SAMD5: variants seen among roughly 807,000 people sequenced by gnomAD.
The protein encoded by SAMD5 is sterile alpha motif domain containing 5.
SAMD5 carries 13 observed loss-of-function variants against 11.3 expected under a neutral mutation model. That is an observed-to-expected ratio of 1.15 (90% CI 0.75 to 1.83). The LOEUF (loss-of-function observed/expected upper bound fraction) is 1.83, where lower values mean the gene tolerates loss of function less well. SAMD5 is among the 40% of genes most tolerant of loss of function. The pLI, the probability that SAMD5 is intolerant of heterozygous loss-of-function variation, is 0.00. For missense variants in SAMD5, 255 were observed against 239.1 expected, an observed-to-expected ratio of 1.07 and a Z score of -0.44; for synonymous variants, 129 against 111.3, an observed-to-expected ratio of 1.16 and a Z score of -1.00.
At chr6:147,922,939 A>G in the SAMD5 span, among the ~76,000 whole-genome samples, 1 of 152,052 alleles carries the variant, frequency 6.6e-6, no homozygotes, top group Non-Finnish European at 1.5e-5. Context: ...GTGTAAACAC[A>G]TTTCTTTCCT....
At chr6:147,911,253 G>A in the SAMD5 span, among the ~76,000 whole-genome samples, 16 of 152,266 alleles carry the variant, frequency 1.1e-4, no homozygotes, top group East Asian at 1.5e-3. Context: ...GTAGCAACAC[G>A]GTTGTTTAGC....
chr6:147,598,049 A>C (rs1013770306), intron 1 of SAMD5, among the ~76,000 whole-genome samples: 5 of 151,870 alleles, frequency 3.3e-5, no homozygotes, highest in African/African-American at 1.2e-4. Flanking sequence ...CCACTGATGC[A>C]GTGGAGTCCT....
chr6:147,746,165 G>A, the SAMD5 span, among the ~76,000 whole-genome samples: 8 of 152,190 alleles, frequency 5.3e-5, no homozygotes, highest in East Asian at 5.8e-4. Flanking sequence ...GGGATCAGAC[G>A]AAGAAGCTCA....
the SAMD5 span, among the ~76,000 whole-genome samples, chr6:147,826,283 C>G: frequency 6.6e-6 from 1 of 152,194 alleles, no homozygotes; most frequent in African/African-American, 2.4e-5. Context: ...GAAATTAGAG[C>G]AATTTTTAGC....
rs1259229155 is a variant in SAMD5, at chr6:147,642,855, T to C, written c.163-94462T>C. 2.0e-5 allele frequency among the ~76,000 whole-genome samples: 3 copies of C among 152,228 alleles called. No individual in the cohort carries two copies. The East Asian group carries it at 5.8e-4, about 29-fold the overall frequency. ...GGGAGCCCTTCTCTCCTGCCTGGGG[T>C]GCAGGGCCTCAGTGCTAATATGAAC... On this transcript the variant is annotated intron_variant, in intron 1 of 1. Coordinates refer to the SAMD5 transcript ENST00000566741.
chr6:147,926,692 G>A, the SAMD5 span, among the ~76,000 whole-genome samples: 2 of 151,978 alleles, frequency 1.3e-5, no homozygotes, highest in South Asian at 4.1e-4. Context: ...GATCCCATTT[G>A]CCAATGTTTG....
chr6:147,519,952 C>T (rs1788226530), intron 1 of SAMD5, among the ~76,000 whole-genome samples: 1 of 152,152 alleles, frequency 6.6e-6, no homozygotes, highest in Non-Finnish European at 1.5e-5. Flanking sequence ...ATTCTTACAA[C>T]TGAAGTGACC....
Position 147,718,684 on chromosome 6 carries a change from TTTCTCG to T in SAMD5, c.163-18630_163-18625del, listed in dbSNP as rs1791501541. Among the ~76,000 whole-genome samples the T allele has an allele frequency of 2.8e-5, 3 of 105,278 alleles. No homozygotes were observed. The South Asian group carries it at 8.9e-4, about 31-fold the overall frequency. 69.1% of individuals were successfully genotyped at this position (105,278 alleles called of 152,430 possible). A position where few individuals can be genotyped will look rare whatever the true frequency, so the allele number is the denominator to read the frequency against. On this transcript the variant is annotated intron_variant, in intron 1 of 1. Transcript: ENST00000566741. ...TATGTAATGTTGTTGGAAGTGGCTCTTTCTCGTTTTTTTTCTTTTTTTTGGAGGCAA... is the reference window on the plus strand; with the variant it reads ...TATGTAATGTTGTTGGAAGTGGCTCTTTTTTTTTCTTTTTTTTGGAGGCAA...
the SAMD5 span, among the ~76,000 whole-genome samples, chr6:147,905,912 C>T: frequency 6.6e-6 from 1 of 152,188 alleles, no homozygotes; most frequent in African/African-American, 2.4e-5. Context: ...AAGCTCCAGG[C>T]TCTGAAACCC....
chr6:147,728,059 G>C (rs548516410), intron 1 of SAMD5, among the ~76,000 whole-genome samples: 2 of 152,280 alleles, frequency 1.3e-5, no homozygotes, highest in Admixed American at 6.5e-5. Flanking sequence ...TAAAATTTTA[G>C]TATCACTGTT....
At chr6:147,768,798 T>C in the SAMD5 span, among the ~76,000 whole-genome samples, 5 of 152,242 alleles carry the variant, frequency 3.3e-5, no homozygotes, top group East Asian at 9.7e-4. Flanking sequence ...TTAAAATTTA[T>C]ATATTTATTT....
At chr6:147,947,925 A>G in the SAMD5 span, among the ~76,000 whole-genome samples, 1 of 152,026 alleles carries the variant, frequency 6.6e-6, no homozygotes, top group Non-Finnish European at 1.5e-5. Context: ...CTACTTACGT[A>G]TACTGTGTTA....
rs34371619 is a variant in SAMD5 at position 147,688,393 on chromosome 6, A to G, written c.163-48924A>G. Among the ~76,000 whole-genome samples, 844 of 152,310 alleles carry G rather than the reference A, an allele frequency of 5.5e-3. 4 individuals carry two copies. Among genetic ancestry groups the G allele is most frequent in the Non-Finnish European group, 8.7e-3 (589 of 68,026 alleles). On this transcript the variant is annotated intron_variant, in intron 1 of 1. Transcript: ENST00000566741. ...GAGATAATTTGAGATTCTCAGTGAT[A>G]GTTATCTTTATCCAAAATAGGCATA...
the SAMD5 span, among the ~76,000 whole-genome samples, chr6:147,930,040 C>T: frequency 1.3e-5 from 2 of 152,232 alleles, no homozygotes; most frequent in South Asian, 2.1e-4. Context: ...ATGTCATAGA[C>T]CTTTTGCTGC....
the SAMD5 span, among the ~76,000 whole-genome samples, chr6:147,948,034 C>T: frequency 2.0e-5 from 3 of 152,142 alleles, no homozygotes; most frequent in South Asian, 4.2e-4. Context: ...TATTAATGTT[C>T]CATTGGTACT....
At chr6:147,745,664 A>G in the SAMD5 span, among the ~76,000 whole-genome samples, 1 of 152,146 alleles carries the variant, frequency 6.6e-6, no homozygotes, top group African/African-American at 2.4e-5. Context: ...GTCCAGGTGC[A>G]TTACATGTTA....
chr6:147,796,549 G>A, the SAMD5 span, among the ~76,000 whole-genome samples: 8 of 152,304 alleles, frequency 5.3e-5, no homozygotes, highest in African/African-American at 1.7e-4. Context: ...TGGCGATACA[G>A]TCTCTTTTTT....
At chr6:147,634,832 G>A (rs1182721197) in intron 1 of SAMD5, among the ~76,000 whole-genome samples, 1 of 152,166 alleles carries the variant, frequency 6.6e-6, no homozygotes, top group Non-Finnish European at 1.5e-5. Flanking sequence ...AGGTTGTTTA[G>A]GGAAGAGAGG....
At chr6:147,895,230 A>T in the SAMD5 span, among the ~76,000 whole-genome samples, 3 of 151,942 alleles carry the variant, frequency 2.0e-5, no homozygotes, top group Admixed American at 2.0e-4. Context: ...AGTCCTTAAG[A>T]CCCATGAACA....
Sources: allele counts gnomAD v4.1 joint callset (sites outside exome capture counted in the v4.1 genomes callset), GRCh38; gene constraint gnomAD v4.1.1; transcripts MANE v1.5; gene names NCBI Gene and HGNC (gene_info 2026-07-23, HGNC 2026-07-21).